The following CDH20 variants were observed in gnomAD, a reference collection of about 807,000 sequenced individuals.
The protein encoded by CDH20 is cadherin-20.
CDH20 carries 29 observed loss-of-function variants against 74.2 expected under a neutral mutation model. That is an observed-to-expected ratio of 0.39 (90% CI 0.29 to 0.53). CDH20 has a LOEUF of 0.53. CDH20 is among the 20% of genes least tolerant of loss of function. The pLI, the probability that CDH20 is intolerant of heterozygous loss-of-function variation, is 0.69. For synonymous variants in CDH20, 469 were observed against 405.4 expected (o/e 1.16, Z -1.88); for missense variants, 988 against 1,048.3 (o/e 0.94, Z 0.79).
At chr18:61,490,861 T>C (rs893217585) in intron 2 of CDH20, 62 bp downstream of exon 2, 13 of 1,230,424 alleles carry the variant, frequency 1.1e-5, no homozygotes, top group Middle Eastern at 2.4e-4. Context: ...ATGAATTGAG[T>C]ATCAAAGTTG....
chr18:61,352,565 A>G (rs1474061415), intron 1 of CDH20, among the ~76,000 whole-genome samples: 1 of 152,060 alleles, frequency 6.6e-6, no homozygotes, highest in South Asian at 2.1e-4. Flanking sequence ...CATGTCTATA[A>G]CTTCTGTCAA....
intron 1 of CDH20, among the ~76,000 whole-genome samples, chr18:61,464,986 G>A (rs181333496): frequency 1.3e-5 from 2 of 152,158 alleles, no homozygotes; most frequent in African/African-American, 2.4e-5. Flanking sequence ...CAATAATCTT[G>A]ACTCATAACT....
intron 1 of CDH20, among the ~76,000 whole-genome samples, chr18:61,428,572 C>T (rs1913151433): frequency 6.6e-6 from 1 of 152,174 alleles, no homozygotes; most frequent in African/African-American, 2.4e-5. Context: ...TCCCCATCAA[C>T]ACTGACACCT....
chr18:61,456,116 C>T (rs1909563500), intron 1 of CDH20, among the ~76,000 whole-genome samples: 1 of 152,204 alleles, frequency 6.6e-6, no homozygotes, highest in African/African-American at 2.4e-5. Flanking sequence ...CAGTCTATTG[C>T]TAACCTCAAT....
At chr18:61,478,366 C>A (rs997258545) in intron 1 of CDH20, among the ~76,000 whole-genome samples, 1 of 152,072 alleles carries the variant, frequency 6.6e-6, no homozygotes, top group African/African-American at 2.4e-5. Flanking sequence ...CTCGTTTTCT[C>A]TTGCATGTTG....
intron 1 of CDH20, among the ~76,000 whole-genome samples, chr18:61,351,535 G>C (rs1203515026): frequency 6.6e-6 from 1 of 152,006 alleles, no homozygotes; most frequent in Non-Finnish European, 1.5e-5. Context: ...CTAGTGCATA[G>C]GAAACACACA....
intron 1 of CDH20, among the ~76,000 whole-genome samples, chr18:61,487,234 A>C (rs1910799135): frequency 6.6e-6 from 1 of 152,222 alleles, no homozygotes; most frequent in African/African-American, 2.4e-5. Context: ...GAACAACAGC[A>C]ATTAGCCCAC....
intron 1 of CDH20, among the ~76,000 whole-genome samples, chr18:61,340,226 C>CTTTTTTTTTTTTT (rs59628153): frequency 0.4 from 48,083 of 119,758 alleles, 10,859 homozygotes; most frequent in East Asian, 0.71. Context: ...CTTCAGCCTT[C>CTTTTTTTTTTTTT]TTTTTTTTTT....
At chr18:61,538,584 G>GTTTTTTTTTTTT (rs1568182044) in intron 8 of CDH20, among the ~76,000 whole-genome samples, 7 of 55,822 alleles carry the variant, frequency 1.3e-4, no homozygotes, top group Non-Finnish European at 2.1e-4. Flanking sequence ...ACTACTTTTT[G>GTTTTTTTTTTTT]TTTGTTTGTT....
At chr18:61,345,059 T>C (rs987136915) in intron 1 of CDH20, among the ~76,000 whole-genome samples, 2 of 152,186 alleles carry the variant, frequency 1.3e-5, no homozygotes, top group Non-Finnish European at 2.9e-5. Context: ...TCTGATTTAG[T>C]TGAGGTTAAC....
intron 1 of CDH20, among the ~76,000 whole-genome samples, chr18:61,376,557 AATT>A (rs1357054067): frequency 6.6e-6 from 1 of 152,110 alleles, no homozygotes; most frequent in Non-Finnish European, 1.5e-5. Flanking sequence ...AGTTATTCTA[AATT>A]ATTATTAAAA....
rs776716548 is a variant in CDH20, at chr18:61,356,467, G to T, written c.-153+22640G>T. On this transcript the variant is annotated intron_variant, in intron 1 of 11. Coordinates refer to ENST00000262717, the MANE Select transcript of CDH20 (RefSeq NM_031891.4). ...CACCTTTAATAATACTAAAATGAAG[G>T]TTATATTATCTCTTAAGAAAATACT... 2.0e-5 allele frequency among the ~76,000 whole-genome samples: 3 copies of T among 151,966 alleles called. 1 individual carries two copies. In the South Asian group the frequency reaches 6.2e-4, roughly 32 times the overall value.
Position 61,431,751 on chromosome 18 carries a change from G to A in CDH20, c.-152-58651G>A, listed in dbSNP as rs62098092. 4.3e-3 allele frequency among the ~76,000 whole-genome samples: 653 copies of A among 152,212 alleles called. 1 individual carries two copies. Among genetic ancestry groups the A allele is most frequent in the Middle Eastern group, 6.8e-3 (2 of 294 alleles). On this transcript the variant is annotated intron_variant, in intron 1 of 11. Coordinates refer to ENST00000262717, the MANE Select transcript of CDH20 (RefSeq NM_031891.4). ...AATTTGAATTTCTTTGATGATTAGC[G>A]AGGCTGAGCTTCTATAAAAGTTTGG...
In CDH20 at chr18:61,334,861, G is replaced by A. The variant is rs546929526; in HGVS notation, c.-153+1034G>A. ...TTATTAATGCTCTTGTTATTGGCAC[G>A]AGCACCAGGAACAATTTTTTTTCTG... On this transcript the variant is annotated intron_variant, in intron 1 of 11. Transcript: ENST00000262717. Among the ~76,000 whole-genome samples, 321 of 135,312 alleles carry A rather than the reference G, an allele frequency of 2.4e-3. 1 individual carries two copies. The highest frequency in any genetic ancestry group is 7.7e-3 in the African/African-American group (307 of 40,104). The allele number at this position is 135,312 out of a possible 152,430, so 88.8% of individuals were successfully genotyped here. A position where few individuals can be genotyped will look rare whatever the true frequency, so the allele number is the denominator to read the frequency against.
intron 1 of CDH20, among the ~76,000 whole-genome samples, chr18:61,388,222 T>G (rs1370251567): frequency 6.6e-6 from 1 of 152,142 alleles, no homozygotes; most frequent in Non-Finnish European, 1.5e-5. Context: ...TATTTTTATC[T>G]GGCCAAGAAG....
At chr18:61,464,123 G>A (rs1299286493) in intron 1 of CDH20, among the ~76,000 whole-genome samples, 1 of 152,142 alleles carries the variant, frequency 6.6e-6, no homozygotes, top group Non-Finnish European at 1.5e-5. Context: ...ATATAGCACA[G>A]TAAGAAGTGT....
chr18:61,471,825 A>G (rs1280204157), intron 1 of CDH20, among the ~76,000 whole-genome samples: 3 of 152,176 alleles, frequency 2.0e-5, no homozygotes, highest in Non-Finnish European at 4.4e-5. Context: ...AATTAACAAT[A>G]ATTTGAAAGA....
At chr18:61,378,352 T>G (rs1911317319) in intron 1 of CDH20, among the ~76,000 whole-genome samples, 1 of 152,164 alleles carries the variant, frequency 6.6e-6, no homozygotes, top group Non-Finnish European at 1.5e-5. Flanking sequence ...ATGGTGAAAG[T>G]TCCAGTCCAA....
intron 1 of CDH20, among the ~76,000 whole-genome samples, chr18:61,354,159 T>G (rs1910412768): frequency 1.3e-5 from 2 of 152,252 alleles, no homozygotes; most frequent in African/African-American, 4.8e-5. Flanking sequence ...CCACACTGGA[T>G]GACACTGATC....
Sources: gnomAD v4.1 joint callset for allele counts (sites outside exome capture counted in the v4.1 genomes callset) on GRCh38, gnomAD v4.1.1 for gene constraint, MANE v1.5 for transcripts, NCBI Gene and HGNC (gene_info 2026-07-23, HGNC 2026-07-21) for gene names.